The following PCDHA2 variants were observed in gnomAD, a reference collection of about 807,000 sequenced individuals.
PCDHA2 encodes protocadherin alpha 2.
PCDHA2 carries 58 observed loss-of-function variants against 66.0 expected under a neutral mutation model. That is an observed-to-expected ratio of 0.88 (90% CI 0.71 to 1.09). PCDHA2 has a LOEUF of 1.09. PCDHA2 is among the 50% of genes least tolerant of loss of function. The pLI, the probability that PCDHA2 is intolerant of heterozygous loss-of-function variation, is 0.00. For synonymous variants in PCDHA2, 634 were observed against 554.0 expected, an observed-to-expected ratio of 1.14 and a Z score of -2.03; for missense variants, 1,267 against 1,242.3, an observed-to-expected ratio of 1.02 and a Z score of -0.30.
Position 140,850,161 on chromosome 5 carries a change from C to T in PCDHA2, c.2388+52809C>T, listed in dbSNP as rs2150470387. On this transcript the variant is annotated intron_variant, in intron 1 of 3. Coordinates refer to ENST00000526136, the MANE Select transcript of PCDHA2 (RefSeq NM_018905.3). ...CAACGTGACGCTGCAGGTGTTCGTG[C>T]TGGACGAGAACGACAATGCGCCGGC... 20 of 1,594,886 alleles carry T rather than the reference C, an allele frequency of 1.3e-5. 1 individual carries two copies. Among genetic ancestry groups the T allele is most frequent in the Non-Finnish European group, 1.7e-5 (20 of 1,167,810 alleles).
At chr5:140,848,871 A>T in intron 1 of PCDHA2, 1 of 1,590,856 alleles carries the variant, frequency 6.3e-7, no homozygotes, top group Non-Finnish European at 8.6e-7. Context: ...GGTGAAGGAC[A>T]TTAACGACAA....
At chr5:140,940,110 T>C (rs2092554073) in intron 1 of PCDHA2, among the ~76,000 whole-genome samples, 1 of 152,240 alleles carries the variant, frequency 6.6e-6, no homozygotes, top group Admixed American at 6.5e-5. Context: ...CGTTATGTAT[T>C]ATTTACCTCT....
At chr5:140,947,083 A>G (rs1268359945) in intron 1 of PCDHA2, among the ~76,000 whole-genome samples, 2 of 151,728 alleles carry the variant, frequency 1.3e-5, no homozygotes, top group Non-Finnish European at 3.0e-5. Context: ...TTGAAACATC[A>G]GACTGTAGCC....
In PCDHA2 at chr5:140,877,117, G is replaced by A. The variant is rs781979355; in HGVS notation, c.2388+79765G>A. The A allele has an allele frequency of 9.3e-6, 15 of 1,613,720 alleles. No homozygotes were observed. The East Asian group carries it at 1.8e-4, about 19-fold the overall frequency. ...CGGCGTGCCGCCTCTGGGCAGCAAC[G>A]TGACGCTGCAGGTGTTCGTGCTGGA... On this transcript the variant is annotated intron_variant, in intron 1 of 3. Coordinates refer to ENST00000526136, the MANE Select transcript of PCDHA2 (RefSeq NM_018905.3).
At chr5:140,808,471 A>G (rs782329561) in intron 1 of PCDHA2, 1 of 1,614,060 alleles carries the variant, frequency 6.2e-7, no homozygotes, top group Admixed American at 1.7e-5. Flanking sequence ...TGACCGCGCG[A>G]GACGGGGGCT....
intron 3 of PCDHA2, among the ~76,000 whole-genome samples, chr5:140,999,635 A>C (rs2097866612): frequency 6.6e-6 from 1 of 152,192 alleles, no homozygotes; most frequent in Non-Finnish European, 1.5e-5. Flanking sequence ...AAGGTAGAGA[A>C]AACTGTGCAG....
intron 1 of PCDHA2, chr5:140,812,839 T>G (rs2126642173): frequency 6.6e-6 from 1 of 152,366 alleles, no homozygotes; most frequent in East Asian, 1.9e-4. Flanking sequence ...TTGTTTATCT[T>G]AACATATTTT....
At chr5:140,916,688 C>G (rs1422583302) in intron 1 of PCDHA2, among the ~76,000 whole-genome samples, 3 of 152,180 alleles carry the variant, frequency 2.0e-5, no homozygotes, top group Admixed American at 6.5e-5. Flanking sequence ...TTACTCTTTT[C>G]TCTCCTCTCC....
At chr5:140,831,061 C>T (rs1771357408) in intron 1 of PCDHA2, 1 of 152,162 alleles carries the variant, frequency 6.6e-6, no homozygotes, top group Non-Finnish European at 1.5e-5. Context: ...TATTGTCCCC[C>T]TTTTAAACCA....
chr5:140,829,742 C>T (rs1770532767), intron 1 of PCDHA2: 2 of 1,613,562 alleles, frequency 1.2e-6, no homozygotes, highest in Admixed American at 1.7e-5. Flanking sequence ...CAACGTGACG[C>T]TGCAGGTGTT....
At chr5:140,828,377 T>C in intron 1 of PCDHA2, 1 of 1,614,222 alleles carries the variant, frequency 6.2e-7, no homozygotes, top group Non-Finnish European at 8.5e-7. Flanking sequence ...CGAGGAGCTG[T>C]GCGGGCGGAG....
Position 140,795,362 on chromosome 5 carries a change from T to C in PCDHA2, c.398T>C (p.Phe133Ser). The C allele has an allele frequency of 6.2e-7, 1 of 1,614,154 alleles. No homozygotes were observed. The highest frequency in any genetic ancestry group is 8.5e-7 in the Non-Finnish European group (1 of 1,180,028). The change falls in exon 1 of 4, where the codon TTT (phenylalanine) becomes TCT (serine). Residue 133 changes from phenylalanine to serine, a missense_variant. Phe to Ser is a radical substitution (Grantham distance 155, BLOSUM62 -2). Transcript: ENST00000526136. ...VKDINDNPPI[F>S]PMTVKTIRFP... ...GACATTAACGACAACCCGCCAATATTTCCAATGACAGTAAAGACTATCCGG... is the reference window on the plus strand; with the variant it reads ...GACATTAACGACAACCCGCCAATATCTCCAATGACAGTAAAGACTATCCGG...
intron 1 of PCDHA2, among the ~76,000 whole-genome samples, chr5:140,916,438 A>G (rs975528805): frequency 4.6e-5 from 7 of 152,234 alleles, no homozygotes; most frequent in Admixed American, 4.6e-4. Flanking sequence ...TAAGGCCCAC[A>G]GTATACTACC....
chr5:140,974,994 A>C (rs901871984), intron 1 of PCDHA2, among the ~76,000 whole-genome samples: 8 of 152,126 alleles, frequency 5.3e-5, no homozygotes, highest in African/African-American at 1.9e-4. Flanking sequence ...AGGTATTCTC[A>C]AGGCTGAAAT....
intron 1 of PCDHA2, chr5:140,877,781 T>C: frequency 6.2e-7 from 1 of 1,614,178 alleles, no homozygotes; most frequent in South Asian, 1.1e-5. Flanking sequence ...ACGGACCTCA[T>C]GGCCTTCAGC....
At chr5:141,002,491 A>G (rs1244268735) in intron 3 of PCDHA2, among the ~76,000 whole-genome samples, 1 of 152,214 alleles carries the variant, frequency 6.6e-6, no homozygotes, top group Non-Finnish European at 1.5e-5. Flanking sequence ...TGACCTTGTT[A>G]TACAGCTCAG....
At chr5:140,927,430 A>C (rs782761686) in intron 1 of PCDHA2, 4 of 1,614,152 alleles carry the variant, frequency 2.5e-6, no homozygotes, top group Non-Finnish European at 3.4e-6. Flanking sequence ...GGTTGACGGC[A>C]GCGAATACCC....
At chr5:140,937,009 C>A (rs1409113092) in intron 1 of PCDHA2, among the ~76,000 whole-genome samples, 11 of 151,930 alleles carry the variant, frequency 7.2e-5, no homozygotes, top group African/African-American at 1.9e-4. Context: ...AGACAGACAA[C>A]CGATTAACAA....
chr5:140,931,209 A>C (rs1554208285), intron 1 of PCDHA2, among the ~76,000 whole-genome samples: 1 of 152,184 alleles, frequency 6.6e-6, no homozygotes, highest in African/African-American at 2.4e-5. Context: ...CTAGTATTTC[A>C]GGTATCAGAG....
Sources: gnomAD v4.1 joint callset for allele counts (sites outside exome capture counted in the v4.1 genomes callset) on GRCh38, gnomAD v4.1.1 for gene constraint, MANE v1.5 for transcripts, NCBI Gene and HGNC (gene_info 2026-07-23, HGNC 2026-07-21) for gene names.